AGBL3: variants seen among roughly 807,000 people sequenced by gnomAD.
AGBL3 encodes AGBL carboxypeptidase 3, also known as cytosolic carboxypeptidase 3.
AGBL3 carries 68 observed loss-of-function variants against 94.5 expected under a neutral mutation model. That is an observed-to-expected ratio of 0.72 (90% CI 0.59 to 0.88). The LOEUF is 0.88. Ranked by LOEUF, AGBL3 falls within the 40% of genes least tolerant of loss-of-function variation. The probability of loss-of-function intolerance (pLI) is 0.00; values close to 1 mark genes in which losing one functional copy is unlikely to be tolerated. For synonymous variants in AGBL3, 354 were observed against 370.7 expected, an observed-to-expected ratio of 0.95 and a Z score of 0.52; for missense variants, 934 against 1,103.8, an observed-to-expected ratio of 0.85 and a Z score of 2.18.
chr7:135,085,547 G>A (rs2116877790), intron 15 of AGBL3, among the ~76,000 whole-genome samples: 1 of 152,098 alleles, frequency 6.6e-6, no homozygotes, highest in East Asian at 1.9e-4. Flanking sequence ...TAGGAGTCCA[G>A]TTTCATTTTT....
intron 11 of AGBL3, among the ~76,000 whole-genome samples, chr7:135,058,571 T>C (rs1818537957): frequency 6.6e-6 from 1 of 152,082 alleles, no homozygotes; most frequent in Non-Finnish European, 1.5e-5. Context: ...GAGTGCCTAC[T>C]ATATGCCAAG....
chr7:135,034,010 G>A, intron 6 of AGBL3, 139 bp from the exon 7 acceptor site: 1 of 788,714 alleles, frequency 1.3e-6, no homozygotes, highest in South Asian at 2.8e-5. Flanking sequence ...CGTTTACATT[G>A]TTTCCTAACA....
At chr7:135,098,878 CAAT>C (rs2117003017) in intron 15 of AGBL3, among the ~76,000 whole-genome samples, 1 of 152,078 alleles carries the variant, frequency 6.6e-6, no homozygotes, top group East Asian at 1.9e-4. Flanking sequence ...TAAGAATATA[CAAT>C]AATAATATGA....
intron 15 of AGBL3, among the ~76,000 whole-genome samples, chr7:135,096,608 G>GATAGATAGATAGATAA (rs1822847277): frequency 3.5e-5 from 4 of 112,870 alleles, no homozygotes; most frequent in Admixed American, 2.9e-4. Context: ...TAGATAGATA[G>GATAGATAGATAGATAA]ATAGATAGAT....
intron 5 of AGBL3, among the ~76,000 whole-genome samples, chr7:135,018,316 G>A (rs1172882299): frequency 6.6e-6 from 1 of 152,214 alleles, no homozygotes; most frequent in Non-Finnish European, 1.5e-5. Flanking sequence ...AAAATGCTAG[G>A]AGGATAAATA....
chr7:135,025,695 C>T (rs1056079724), intron 5 of AGBL3, among the ~76,000 whole-genome samples: 1 of 151,416 alleles, frequency 6.6e-6, no homozygotes, highest in Non-Finnish European at 1.5e-5. Flanking sequence ...TTCAACAGAC[C>T]CGTCTCATAT....
intron 4 of AGBL3, among the ~76,000 whole-genome samples, chr7:135,003,891 G>C (rs555449861): frequency 6.0e-5 from 9 of 151,096 alleles, no homozygotes; most frequent in African/African-American, 1.9e-4. Context: ...CAGTTATCCT[G>C]TATTAATGTA....
At chr7:135,051,049 C>A in intron 11 of AGBL3, 1 of 443,066 alleles carries the variant, frequency 2.3e-6, no homozygotes, top group Non-Finnish European at 4.5e-6. Flanking sequence ...TGAGATGACA[C>A]AAAAGCAGTA....
intron 15 of AGBL3, chr7:135,094,173 A>T (rs1822292358): frequency 5.7e-6 from 2 of 348,860 alleles, no homozygotes; most frequent in South Asian, 4.4e-5. Flanking sequence ...ATTTAAACAG[A>T]TAATAAGGGG....
In AGBL3 at chr7:135,021,874, A is replaced by G. The variant is rs147853386; in HGVS notation, c.418+4715A>G. ...GTTGTTCCTCTCCCTGTGTCCATGT[A>G]TTCTCATTGTTCAGCTCCCACTTAT... On this transcript the variant is annotated intron_variant, in intron 5 of 16. Coordinates refer to ENST00000436302, the MANE Select transcript of AGBL3 (RefSeq NM_178563.4). Among the ~76,000 whole-genome samples, 345 of 152,082 alleles carry G rather than the reference A, an allele frequency of 2.3e-3. 1 individual carries two copies. The highest frequency in any genetic ancestry group is 7.6e-3 in the African/African-American group (316 of 41,458).
chr7:135,129,160 C>A, intron 16 of AGBL3: 2 of 1,457,530 alleles, frequency 1.4e-6, no homozygotes, highest in Non-Finnish European at 1.9e-6. Flanking sequence ...CTCCTCCAGT[C>A]CACCTTGGAC....
At chr7:135,008,196 TAAG>T (rs1472890858) in intron 4 of AGBL3, among the ~76,000 whole-genome samples, 1 of 151,890 alleles carries the variant, frequency 6.6e-6, no homozygotes, top group Non-Finnish European at 1.5e-5. Flanking sequence ...AAAAAAAACT[TAAG>T]AACATATTTG....
chr7:135,046,656 T>C (rs1196279874), intron 11 of AGBL3, among the ~76,000 whole-genome samples: 2 of 152,094 alleles, frequency 1.3e-5, no homozygotes, highest in African/African-American at 4.8e-5. Flanking sequence ...TAAAAGCTCA[T>C]TTATTTTTAG....
At chr7:135,022,050 A>G (rs1351468669) in intron 5 of AGBL3, among the ~76,000 whole-genome samples, 1 of 151,856 alleles carries the variant, frequency 6.6e-6, no homozygotes, top group Non-Finnish European at 1.5e-5. Flanking sequence ...ACCATATTTT[A>G]TTTATCCAGT....
Position 135,044,615 on chromosome 7 carries a change from A to G in AGBL3, c.1627+464A>G, listed in dbSNP as rs190275730. 5.3e-5 allele frequency among the ~76,000 whole-genome samples: 8 copies of G among 152,268 alleles called. No individual in the cohort carries two copies. In the East Asian group the frequency reaches 9.6e-4, roughly 18 times the overall value. On this transcript the variant is annotated intron_variant, in intron 9 of 16. Transcript: ENST00000436302. Reference sequence around the variant, plus strand: ...GCTAGCATATCCTAACATGGTTAGAATACTCCATATTAAAATAATTGTCAC... The same window carrying G: ...GCTAGCATATCCTAACATGGTTAGAGTACTCCATATTAAAATAATTGTCAC...
At chr7:135,023,561 G>A (rs562923234) in intron 5 of AGBL3, among the ~76,000 whole-genome samples, 1 of 152,274 alleles carries the variant, frequency 6.6e-6, no homozygotes, top group South Asian at 2.1e-4. Context: ...GCTTTCGCCT[G>A]CATGGAGCCC....
intron 15 of AGBL3, among the ~76,000 whole-genome samples, chr7:135,096,060 G>A (rs762885566): frequency 6.6e-6 from 1 of 152,012 alleles, no homozygotes; most frequent in Non-Finnish European, 1.5e-5. Context: ...ACTGAGGCAG[G>A]AGAATTGCTT....
At chr7:135,067,942 C>A (rs1473367165) in intron 12 of AGBL3, among the ~76,000 whole-genome samples, 3 of 152,210 alleles carry the variant, frequency 2.0e-5, no homozygotes, top group Non-Finnish European at 2.9e-5. Context: ...CTACTCCAAG[C>A]TAAAGGAGGA....
intron 16 of AGBL3, among the ~76,000 whole-genome samples, chr7:135,130,827 T>C (rs1828647742): frequency 1.3e-5 from 2 of 152,202 alleles, no homozygotes; most frequent in Admixed American, 6.5e-5. Flanking sequence ...TTTTGGGTGA[T>C]AATTTTGAAT....
Sources: allele counts gnomAD v4.1 joint callset (sites outside exome capture counted in the v4.1 genomes callset), GRCh38; gene constraint gnomAD v4.1.1; transcripts MANE v1.5; gene names NCBI Gene and HGNC (gene_info 2026-07-23, HGNC 2026-07-21).